ARHGAP17: variants seen among roughly 807,000 people sequenced by gnomAD.
ARHGAP17 encodes the protein Rho GTPase activating protein 17, also known as rho GTPase-activating protein 17.
A neutral mutation model predicts 99.5 loss-of-function variants in ARHGAP17; 57 were observed. That is an observed-to-expected ratio of 0.57 (90% confidence interval 0.46 to 0.71). The LOEUF is 0.71. Among genes scored for constraint, ARHGAP17 ranks in the 30% least tolerant of loss-of-function variants. ARHGAP17 has a pLI of 0.00. For synonymous variants in ARHGAP17, 417 were observed against 429.6 expected, an observed-to-expected ratio of 0.97 and a Z score of 0.36; for missense variants, 1,000 against 1,122.4, an observed-to-expected ratio of 0.89 and a Z score of 1.56.
intron 14 of ARHGAP17, among the ~76,000 whole-genome samples, chr16:24,947,233 C>T (rs1353952400): frequency 6.6e-6 from 1 of 151,914 alleles, no homozygotes; most frequent in Admixed American, 6.5e-5. Context: ...AGCCACTGAG[C>T]TATCTGACTG....
At chr16:24,954,908 G>C in intron 9 of ARHGAP17, 178 bp from the exon 10 acceptor site, 1 of 870,076 alleles carries the variant, frequency 1.1e-6, no homozygotes, top group East Asian at 2.7e-5. Context: ...GCAAACTATG[G>C]ACCAGGCTGG....
chr16:24,932,033 C>T (rs1336294440), intron 18 of ARHGAP17, among the ~76,000 whole-genome samples: 2 of 150,996 alleles, frequency 1.3e-5, no homozygotes, highest in Non-Finnish European at 2.9e-5. Context: ...GGGAGGATCC[C>T]ATGAGCCTGG....
intron 3 of ARHGAP17, among the ~76,000 whole-genome samples, chr16:24,976,180 G>A (rs139866187): frequency 2.6e-5 from 4 of 152,286 alleles, no homozygotes; most frequent in African/African-American, 7.2e-5. Flanking sequence ...GCAATGGAAC[G>A]CGCTTTCAAT....
intron 1 of ARHGAP17, among the ~76,000 whole-genome samples, chr16:24,989,757 C>G (rs935632645): frequency 1.3e-5 from 2 of 151,946 alleles, no homozygotes; most frequent in African/African-American, 4.8e-5. Context: ...ATATGTCAGA[C>G]ACAGAAAGAT....
chr16:25,000,160 C>T (rs899871260), intron 1 of ARHGAP17, among the ~76,000 whole-genome samples: 16 of 152,296 alleles, frequency 1.1e-4, no homozygotes, highest in Non-Finnish European at 1.6e-4. Flanking sequence ...AGCAGTTTTA[C>T]GTTGATTAAG....
chr16:24,998,109 G>C (rs1031371275), intron 1 of ARHGAP17, among the ~76,000 whole-genome samples: 1 of 152,004 alleles, frequency 6.6e-6, no homozygotes, highest in Non-Finnish European at 1.5e-5. Flanking sequence ...CCAGGAGCGA[G>C]GTGCGGGTGA....
chr16:24,939,372 G>C lies in ARHGAP17; in HGVS notation c.1716C>G (p.Gly572=). ...AGILEQGPSP[G]DGSPPKPKDP... is the part of the protein sequence containing the mutation. ...GAAGTCAGCCTCCTTACCTGCCGTC[G>C]CCTGGGCTCGGCCCCTGCTCCAGTA... The change falls in exon 17 of 20, where the codon GGC becomes GGG. Residue 572 remains glycine (G), a synonymous_variant. Coordinates refer to ENST00000289968, the MANE Select transcript of ARHGAP17 (RefSeq NM_001006634.3). The C allele has an allele frequency of 6.2e-7, 1 of 1,603,500 alleles. No individual in the cohort carries two copies. The highest frequency in any genetic ancestry group is 8.5e-7 in the Non-Finnish European group (1 of 1,178,574).
intron 1 of ARHGAP17, among the ~76,000 whole-genome samples, chr16:24,988,696 C>T (rs1157501432): frequency 6.6e-5 from 10 of 152,282 alleles, no homozygotes; most frequent in Non-Finnish European, 5.9e-5. Flanking sequence ...GCGTTTTGTT[C>T]GGTCAGTTGG....
intron 1 of ARHGAP17, among the ~76,000 whole-genome samples, chr16:24,988,235 A>G (rs2052932238): frequency 6.6e-6 from 1 of 152,222 alleles, no homozygotes; most frequent in Non-Finnish European, 1.5e-5. Flanking sequence ...TTTTTAAAAT[A>G]AACGACTCTC....
intron 1 of ARHGAP17, among the ~76,000 whole-genome samples, chr16:24,993,732 C>T (rs1333626307): frequency 6.6e-6 from 1 of 152,122 alleles, no homozygotes; most frequent in African/African-American, 2.4e-5. Context: ...AGAAAGAGTA[C>T]CTTCGAGGCC....
intron 14 of ARHGAP17, among the ~76,000 whole-genome samples, chr16:24,946,505 A>G (rs1465380340): frequency 6.6e-6 from 1 of 150,804 alleles, no homozygotes; most frequent in Non-Finnish European, 1.5e-5. Flanking sequence ...TGCTGCCGTC[A>G]TACTTGATAA....
chr16:24,935,810 T>G (rs72770485), intron 17 of ARHGAP17, 171 bp from the exon 18 acceptor site: 47,494 of 733,950 alleles, frequency 0.065, 1,826 homozygotes, highest in Middle Eastern at 0.11. Flanking sequence ...GTTTACTTGG[T>G]GCCATATAAA....
chr16:24,921,769 G>A (rs1230792879), intron 19 of ARHGAP17, among the ~76,000 whole-genome samples: 1 of 152,176 alleles, frequency 6.6e-6, no homozygotes, highest in East Asian at 1.9e-4. Context: ...AAGAGTTCAG[G>A]TGCTGAATGT....
At chr16:24,964,350 GTA>G in intron 6 of ARHGAP17, 42 bp from the exon 7 acceptor site, 1 of 1,365,206 alleles carries the variant, frequency 7.3e-7, no homozygotes, top group Non-Finnish European at 1.0e-6. Context: ...AACCAGCTGT[GTA>G]TACTCAACAG....
At chr16:25,001,554 G>GA (rs1330323383) in intron 1 of ARHGAP17, among the ~76,000 whole-genome samples, 1 of 152,010 alleles carries the variant, frequency 6.6e-6, no homozygotes, top group East Asian at 1.9e-4. Context: ...GAGAGATACT[G>GA]AAAAAAGAAT....
Position 24,939,591 on chromosome 16 carries a change from A to G in ARHGAP17, c.1497T>C (p.Gly499=), listed in dbSNP as rs1485630265. The G allele has an allele frequency of 6.2e-7, 1 of 1,604,190 alleles. No homozygotes were observed. The highest frequency in any genetic ancestry group is 2.2e-5 in the East Asian group (1 of 44,592). ...GGGCCTGGAAGTCCATAAGCTTCAC[A>G]CCAAAGCTACACAGAGAGAAGAAAC... ...EGDLVKKESF[G]VKLMDFQAHR... Residue 499 remains glycine (G), a synonymous_variant, in exon 17 of 20, where the codon GGT becomes GGC. Coordinates refer to ENST00000289968, the MANE Select transcript of ARHGAP17 (RefSeq NM_001006634.3).
chr16:24,922,644 A>G (rs2050746181), intron 19 of ARHGAP17, among the ~76,000 whole-genome samples: 1 of 152,090 alleles, frequency 6.6e-6, no homozygotes, highest in Admixed American at 6.6e-5. Context: ...CAGTTTTCAG[A>G]AAGAGACTTC....
intron 1 of ARHGAP17, among the ~76,000 whole-genome samples, chr16:24,987,517 C>T (rs143887126): frequency 2.1e-4 from 32 of 152,256 alleles, no homozygotes; most frequent in African/African-American, 7.5e-4. Context: ...GGTTGAGAGA[C>T]GCTGGCTTTT....
chr16:24,924,684 G>A (rs1181096342), intron 19 of ARHGAP17, among the ~76,000 whole-genome samples: 1 of 151,462 alleles, frequency 6.6e-6, no homozygotes, highest in Non-Finnish European at 1.5e-5. Flanking sequence ...CCAACATGGT[G>A]AAACCCCGTC....
Sources: gnomAD v4.1 joint callset for allele counts (sites outside exome capture counted in the v4.1 genomes callset) on GRCh38, gnomAD v4.1.1 for gene constraint, MANE v1.5 for transcripts, NCBI Gene and HGNC (gene_info 2026-07-23, HGNC 2026-07-21) for gene names.